NOS1AP: variants seen among roughly 807,000 people sequenced by gnomAD.
NOS1AP encodes the protein carboxyl-terminal PDZ ligand of neuronal nitric oxide synthase protein.
In NOS1AP, 21 loss-of-function variants were observed where a neutral mutation model predicts 56.2. The ratio of observed to expected loss-of-function variants is 0.37; its 90% CI spans 0.26 to 0.54. NOS1AP has a LOEUF of 0.54. Among genes scored for constraint, NOS1AP ranks in the 20% least tolerant of loss-of-function variants. The pLI is 0.84. For missense variants in NOS1AP, 522 were observed against 657.8 expected (o/e 0.79, Z 2.26); for synonymous variants, 270 against 274.6 (o/e 0.98, Z 0.17).
chr1:162,296,620 A>G (rs1655470430), intron 3 of NOS1AP, among the ~76,000 whole-genome samples: 2 of 152,282 alleles, frequency 1.3e-5, no homozygotes, highest in South Asian at 4.1e-4. Flanking sequence ...TTATTAAATT[A>G]ACCCAAGGGG....
At chr1:162,153,406 G>A (rs1649802165) in intron 1 of NOS1AP, among the ~76,000 whole-genome samples, 2 of 152,126 alleles carry the variant, frequency 1.3e-5, no homozygotes, top group Admixed American at 6.5e-5. Flanking sequence ...CAGAATTACA[G>A]GCATGAGCCA....
chr1:162,070,346 G>GGGAT, intron 1 of NOS1AP, 64 bp downstream of exon 1: 1 of 1,368,424 alleles, frequency 7.3e-7, no homozygotes, highest in East Asian at 2.3e-5. Flanking sequence ...TTGAGCGGAT[G>GGGAT]GGATGCACAG....
intron 2 of NOS1AP, among the ~76,000 whole-genome samples, chr1:162,197,903 G>C (rs574646062): frequency 1.3e-5 from 2 of 152,374 alleles, no homozygotes; most frequent in South Asian, 2.1e-4. Context: ...CTGGCCTGCT[G>C]TTCAGGGCTC....
At chr1:162,330,136 C>T (rs959924133) in intron 4 of NOS1AP, among the ~76,000 whole-genome samples, 3 of 152,300 alleles carry the variant, frequency 2.0e-5, no homozygotes, top group African/African-American at 7.2e-5. Context: ...TAGGGTATTA[C>T]ATAAGAATAA....
chr1:162,146,269 T>C (rs895698811), intron 1 of NOS1AP, among the ~76,000 whole-genome samples: 1 of 152,158 alleles, frequency 6.6e-6, no homozygotes, highest in African/African-American at 2.4e-5. Flanking sequence ...ACTTGGCTGG[T>C]CATAAATCCT....
chr1:162,320,928 A>G (rs1656394617), intron 4 of NOS1AP, among the ~76,000 whole-genome samples: 1 of 152,098 alleles, frequency 6.6e-6, no homozygotes, highest in African/African-American at 2.4e-5. Flanking sequence ...GAATGGGTTC[A>G]TTTTTCTCCC....
chr1:162,302,745 A>G (rs1655705319), intron 4 of NOS1AP, among the ~76,000 whole-genome samples: 1 of 152,206 alleles, frequency 6.6e-6, no homozygotes, highest in Non-Finnish European at 1.5e-5. Context: ...GATGGTGAAC[A>G]TATCTATCAC....
chr1:162,170,462 T>C (rs1446196457), intron 2 of NOS1AP, among the ~76,000 whole-genome samples: 1 of 152,224 alleles, frequency 6.6e-6, no homozygotes, highest in African/African-American at 2.4e-5. Context: ...GTAAGCCACA[T>C]GGCTTCTTTC....
chr1:162,208,097 C>T (rs1322622315), intron 2 of NOS1AP, among the ~76,000 whole-genome samples: 1 of 152,166 alleles, frequency 6.6e-6, no homozygotes, highest in Non-Finnish European at 1.5e-5. Context: ...GAGCATGCTT[C>T]TTGGGTTTCT....
chr1:162,197,379 A>G (rs909986526), intron 2 of NOS1AP, among the ~76,000 whole-genome samples: 1 of 152,170 alleles, frequency 6.6e-6, no homozygotes, highest in African/African-American at 2.4e-5. Context: ...CACACGCATG[A>G]TGGTGCTCTG....
chr1:162,198,337 G>A (rs1398126753), intron 2 of NOS1AP, among the ~76,000 whole-genome samples: 1 of 152,242 alleles, frequency 6.6e-6, no homozygotes, highest in Non-Finnish European at 1.5e-5. Flanking sequence ...TTGTGATGGT[G>A]ATGCTGATGT....
chr1:162,294,173 T>A (rs866886991), intron 3 of NOS1AP, among the ~76,000 whole-genome samples: 98 of 84,760 alleles, frequency 1.2e-3, no homozygotes, highest in Middle Eastern at 5.8e-3. Flanking sequence ...GGAAGGCAGG[T>A]AGGAAGGAAG....
intron 2 of NOS1AP, among the ~76,000 whole-genome samples, chr1:162,207,015 C>T (rs79724599): frequency 0.044 from 6,720 of 152,234 alleles, 309 homozygotes; most frequent in African/African-American, 0.11. Context: ...ATTTAGAGAC[C>T]GAGAAATATT....
chr1:162,324,686 TA>T (rs1304171414), intron 4 of NOS1AP, among the ~76,000 whole-genome samples: 3 of 152,178 alleles, frequency 2.0e-5, no homozygotes, highest in Non-Finnish European at 4.4e-5. Flanking sequence ...CGCTAGGTCT[TA>T]AAACCTCAAT....
At chr1:162,164,273 C>T (rs546576583) in intron 2 of NOS1AP, among the ~76,000 whole-genome samples, 1 of 152,192 alleles carries the variant, frequency 6.6e-6, no homozygotes, top group South Asian at 2.1e-4. Flanking sequence ...CCTTTAGGGA[C>T]CCTTTGGTTC....
intron 1 of NOS1AP, among the ~76,000 whole-genome samples, chr1:162,097,214 G>A (rs1430721798): frequency 1.3e-5 from 2 of 151,122 alleles, no homozygotes; most frequent in African/African-American, 4.9e-5. Flanking sequence ...CCTCTTATGC[G>A]ATTGCCTCTT....
intron 2 of NOS1AP, among the ~76,000 whole-genome samples, chr1:162,186,531 A>G (rs1651438709): frequency 6.6e-6 from 1 of 152,154 alleles, no homozygotes; most frequent in Non-Finnish European, 1.5e-5. Flanking sequence ...CCAAATTCAT[A>G]CGTTGAAACT....
chr1:162,330,288 G>A (rs1488208683), intron 4 of NOS1AP, among the ~76,000 whole-genome samples: 1 of 152,194 alleles, frequency 6.6e-6, no homozygotes, highest in African/African-American at 2.4e-5. Context: ...CTTCTAAGCA[G>A]GCAAGGAACC....
chr1:162,245,813 T>C (rs960531681), intron 2 of NOS1AP, among the ~76,000 whole-genome samples: 6 of 152,252 alleles, frequency 3.9e-5, no homozygotes, highest in Non-Finnish European at 8.8e-5. Flanking sequence ...TCTTTTGGCA[T>C]CTGGATTTGG....
Sources: gnomAD v4.1 joint callset for allele counts (sites outside exome capture counted in the v4.1 genomes callset) on GRCh38, gnomAD v4.1.1 for gene constraint, MANE v1.5 for transcripts, NCBI Gene and HGNC (gene_info 2026-07-23, HGNC 2026-07-21) for gene names.